The following IGSF22 variants were observed in gnomAD, a reference collection of about 807,000 sequenced individuals.
IGSF22 encodes the protein immunoglobulin superfamily member 22.
In IGSF22, 119 loss-of-function variants were observed where a neutral mutation model predicts 127.0. The observed-to-expected ratio is 0.94, with a 90% CI of 0.81 to 1.09. The LOEUF is 1.09. IGSF22 is among the 50% of genes least tolerant of loss of function. The pLI is 0.00. For synonymous variants in IGSF22, 568 were observed against 664.7 expected (o/e 0.85, Z 2.24); for missense variants, 1,518 against 1,716.6 (o/e 0.88, Z 2.04).
At chr11:18,725,725 C>T (rs1229746476) in intron 1 of IGSF22, among the ~76,000 whole-genome samples, 1 of 152,168 alleles carries the variant, frequency 6.6e-6, no homozygotes, top group East Asian at 1.9e-4. Flanking sequence ...CAGGCGTGAG[C>T]CACCGCGCCT....
chr11:18,719,311 TTTTTTTTTG>T (rs754795578), intron 7 of IGSF22, among the ~76,000 whole-genome samples: 33 of 23,424 alleles, frequency 1.4e-3, no homozygotes, highest in Middle Eastern at 0.036. Flanking sequence ...CACCCAGCGG[TTTTTTTTTG>T]TTTTTTTTTG....
At chr11:18,707,727 C>A in intron 20 of IGSF22, 77 bp downstream of exon 20, 3 of 1,264,334 alleles carry the variant, frequency 2.4e-6, no homozygotes, top group South Asian at 1.4e-5. Flanking sequence ...GTGGTAGGAA[C>A]TCAAGCGGCA....
At chr11:18,719,226 C>G (rs993302535) in intron 7 of IGSF22, among the ~76,000 whole-genome samples, 2 of 152,176 alleles carry the variant, frequency 1.3e-5, no homozygotes, top group Non-Finnish European at 2.9e-5. Flanking sequence ...CTCACCGCAA[C>G]CTCCACCTCC....
chr11:18,714,427 C>A lies in IGSF22; in HGVS notation c.1657-9G>T. 1 of 1,613,960 alleles carries A rather than the reference C, an allele frequency of 6.2e-7. No individual in the cohort carries two copies. The highest frequency in any genetic ancestry group is 8.5e-7 in the Non-Finnish European group (1 of 1,179,850). On this transcript the variant is annotated splice_polypyrimidine_tract_variant and intron_variant, in intron 12 of 22. Coordinates refer to ENST00000513874, the MANE Select transcript of IGSF22 (RefSeq NM_173588.4). ...CCTGGCAAGTCCGTGATCTGGGGGT[C>A]AGGGGTGGGCCTGAGTGTGAGCATA...
chr11:18,724,152 A>G lies in IGSF22; in HGVS notation c.85T>C (p.Ser29Pro). The change falls in exon 2 of 23, where the codon TCC becomes CCC. Residue 29 changes from serine (S) to proline (P), a missense_variant. Physicochemically the swap from Ser to Pro is moderately conservative, Grantham distance 74. Around this residue, in one of 3 missense-constraint regions of IGSF22, gnomAD observed 1,456 missense variants for 1,644.9 expected, o/e 0.89. Coordinates refer to ENST00000513874, the MANE Select transcript of IGSF22 (RefSeq NM_173588.4). ...CCTCCCACGATCTTGGTTGTCTGGG[A>G]GAAGGTCTGCACGTGGGTGGTGGAG... Reference protein sequence around the residue: ...SSSTTHVQTFSQTTKIVGEEV... With the variant: ...SSSTTHVQTFPQTTKIVGEEV... 6.2e-7 allele frequency: 1 copy of G among 1,613,678 alleles called. No homozygotes were observed. Among genetic ancestry groups the G allele is most frequent in the South Asian group, 1.1e-5 (1 of 91,014 alleles).
chr11:18,719,321 T>G (rs201158419), intron 7 of IGSF22, among the ~76,000 whole-genome samples: 53 of 121,348 alleles, frequency 4.4e-4, no homozygotes, highest in African/African-American at 2.0e-3. Context: ...TTTTTTTTTG[T>G]TTTTTTTTGT....
At position 18,715,293 on chromosome 11, in the gene IGSF22, G is replaced by A. The variant is rs1053978820; in HGVS notation, c.1531+139C>T. 3.8e-6 allele frequency: 3 copies of A among 799,716 alleles called. No individual in the cohort carries two copies. The Admixed American group carries it at 6.0e-5, about 16-fold the overall frequency. The allele number at this position is 799,716 out of a possible 1,614,324, so 49.5% of individuals were successfully genotyped here. The stretch of plus-strand genomic sequence containing the variant: ...TGGTCAGAATTTAGGAGGTGAGGGT[G>A]ATCAGAGTGGGGAGACACAAGTTGG... On this transcript the variant is annotated intron_variant, in intron 11 of 22. Transcript: ENST00000513874.
In IGSF22 at chr11:18,707,839, C is replaced by G; in HGVS notation, c.3245G>C (p.Gly1082Ala). ...CACATGGATGTCATAGCGTGCTTCT[C>G]CAAACTCATTCTGAAGCAAGATTCG... ...VYRILLQNEF[G>A]EARYDIHVRV... is the part of the protein sequence containing the mutation. Residue 1082 changes from glycine to alanine, a missense_variant, in exon 20 of 23, where the codon GGA becomes GCA. Around this residue, in one of 3 missense-constraint regions of IGSF22, gnomAD observed 1,456 missense variants for 1,644.9 expected, o/e 0.89. Coordinates refer to ENST00000513874, the MANE Select transcript of IGSF22 (RefSeq NM_173588.4). 1 of 1,611,250 alleles carries G rather than the reference C, an allele frequency of 6.2e-7. No homozygotes were observed. The highest frequency in any genetic ancestry group is 1.1e-5 in the South Asian group (1 of 90,426).
intron 3 of IGSF22, 80 bp downstream of exon 3, chr11:18,721,830 G>C: frequency 1.3e-6 from 2 of 1,594,324 alleles, no homozygotes; most frequent in Non-Finnish European, 1.7e-6. Flanking sequence ...ATTGGAGGTC[G>C]TTGGGGTAGG....
At chr11:18,712,940 A>G (rs1848384623) in intron 14 of IGSF22, among the ~76,000 whole-genome samples, 1 of 152,116 alleles carries the variant, frequency 6.6e-6, no homozygotes, top group African/African-American at 2.4e-5. Context: ...ATATAAGTAC[A>G]TTCAGGCCAG....
intron 4 of IGSF22, among the ~76,000 whole-genome samples, chr11:18,721,142 T>C (rs1172195824): frequency 6.6e-6 from 1 of 152,140 alleles, no homozygotes; most frequent in Admixed American, 6.5e-5. Context: ...ACCCCTACTC[T>C]ACGGCGAGTC....
chr11:18,710,974 C>T (rs1848345232), intron 15 of IGSF22, 146 bp from the exon 16 acceptor site: 2 of 705,148 alleles, frequency 2.8e-6, no homozygotes. Flanking sequence ...CAAGGTCTCA[C>T]TCTGTTGCCC....
Position 18,721,682 on chromosome 11 carries a change from C to A in IGSF22, c.242-11G>T. On this transcript the variant is annotated splice_polypyrimidine_tract_variant and intron_variant, in intron 3 of 22. Transcript: ENST00000513874. ...ACACGGCTTTGTCCCCTGCGATGAGCACAGGACGCGTTTTCGCCTCTTAGC... is the reference window on the plus strand; with the variant it reads ...ACACGGCTTTGTCCCCTGCGATGAGAACAGGACGCGTTTTCGCCTCTTAGC... 1 of 1,613,982 alleles carries A rather than the reference C, an allele frequency of 6.2e-7. No homozygotes were observed. The highest frequency in any genetic ancestry group is 8.5e-7 in the Non-Finnish European group (1 of 1,179,916).
rs117259722 is a variant in IGSF22, at chr11:18,725,633, C to T, written c.-34+441G>A. On this transcript the variant is annotated intron_variant, in intron 1 of 22. Transcript: ENST00000513874. ...TTTTTTGTATTTTTAGTACAGATGGCGTTTCACTATGTTGGCCAGGCTAGT... is the reference window on the plus strand; with the variant it reads ...TTTTTTGTATTTTTAGTACAGATGGTGTTTCACTATGTTGGCCAGGCTAGT... Among the ~76,000 whole-genome samples, 899 of 151,654 alleles carry T rather than the reference C, an allele frequency of 5.9e-3. 4 individuals carry two copies. Among genetic ancestry groups the T allele is most frequent in the Non-Finnish European group, 9.0e-3 (614 of 67,914 alleles).
rs1848506079 is a variant in IGSF22 at position 18,718,608 on chromosome 11, C to A, written c.810+7G>T. 1.3e-6 allele frequency: 2 copies of A among 1,534,434 alleles called. No homozygotes were observed. Among genetic ancestry groups the A allele is most frequent in the Non-Finnish European group, 1.8e-6 (2 of 1,107,224 alleles). ...GCCAAGGTGGACCCTGGCTAGGCAT[C>A]CCCCACCTTGATCCATATCATCTTG... is the stretch of plus-strand genomic sequence containing the variant. On this transcript the variant is annotated splice_region_variant and intron_variant, in intron 8 of 22. Coordinates refer to ENST00000513874, the MANE Select transcript of IGSF22 (RefSeq NM_173588.4).
chr11:18,705,167 T>G (rs1021846272), intron 22 of IGSF22, among the ~76,000 whole-genome samples: 23 of 152,142 alleles, frequency 1.5e-4, no homozygotes, highest in African/African-American at 4.8e-4. Context: ...GGGGGAAACC[T>G]TCTTGGTTTG....
At chr11:18,718,138 G>A in intron 8 of IGSF22, 45 bp from the exon 9 acceptor site, 1 of 1,592,576 alleles carries the variant, frequency 6.3e-7, no homozygotes, top group Non-Finnish European at 8.6e-7. Flanking sequence ...GGCTTTAGGA[G>A]GAAGCTTCCA....
In IGSF22 at chr11:18,720,064, C is replaced by G. The variant is rs368227153; in HGVS notation, c.518G>C (p.Arg173Thr). The change falls in exon 6 of 23, where the codon AGG (arginine) becomes ACG (threonine). Residue 173 changes from arginine to threonine, a missense_variant and splice_region_variant. Arg to Thr is a moderately conservative substitution (Grantham distance 71, BLOSUM62 -1). Around this residue, in one of 3 missense-constraint regions of IGSF22, gnomAD observed 1,456 missense variants for 1,644.9 expected, o/e 0.89. Coordinates refer to ENST00000513874, the MANE Select transcript of IGSF22 (RefSeq NM_173588.4). ...GGGCAGAAGGACCTGCCAGCCTCACCTCTTCTTCAGCATCTTTTTGAAGTC... is the reference window on the plus strand; with the variant it reads ...GGGCAGAAGGACCTGCCAGCCTCACGTCTTCTTCAGCATCTTTTTGAAGTC... ...KMDFKKMLKK[R>T]APPAPKKKQK... 82 of 1,613,980 alleles carry G rather than the reference C, an allele frequency of 5.1e-5. No individual in the cohort carries two copies. In the East Asian group the frequency reaches 1.4e-3, roughly 28 times the overall value.
chr11:18,706,818 A>AT, intron 21 of IGSF22, 96 bp downstream of exon 21: 1 of 976,968 alleles, frequency 1.0e-6, no homozygotes, highest in South Asian at 1.9e-5. Context: ...TGGTTTTCAG[A>AT]TTTTATCTTG....
Sources: allele counts gnomAD v4.1 joint callset (sites outside exome capture counted in the v4.1 genomes callset), GRCh38; gene constraint gnomAD v4.1.1; regional missense constraint gnomAD v4.1.1; transcripts MANE v1.5; gene names NCBI Gene and HGNC (gene_info 2026-07-23, HGNC 2026-07-21).